The following SLC10A2 variants were observed in gnomAD, a reference collection of about 807,000 sequenced individuals.
SLC10A2 encodes solute carrier family 10 member 2.
A neutral mutation model predicts 27.1 loss-of-function variants in SLC10A2; 34 were observed. The observed-to-expected ratio is 1.26, with a 90% CI of 0.96 to 1.67. The LOEUF (loss-of-function observed/expected upper bound fraction) is 1.67. SLC10A2 is among the 40% of genes most tolerant of loss of function. The probability of loss-of-function intolerance (pLI) is 0.00; values close to 1 mark genes in which losing one functional copy is unlikely to be tolerated. For synonymous variants in SLC10A2, 205 were observed against 174.0 expected, an observed-to-expected ratio of 1.18 and a Z score of -1.40; for missense variants, 530 against 444.4, an observed-to-expected ratio of 1.19 and a Z score of -1.73.
Position 103,065,938 on chromosome 13 carries a change from T to C in SLC10A2, c.312A>G (p.Gly104=). The C allele has an allele frequency of 6.2e-7, 1 of 1,614,056 alleles. No individual in the cohort carries two copies. The highest frequency in any genetic ancestry group is 2.2e-5 in the East Asian group (1 of 44,882). ...PLQAVVVLII[G]CCPGGTASNI... ...TGGAGGCAGTTCCTCCAGGGCAGCA[T>C]CCTATAATGAGCACCACTACGGCCT... is the stretch of plus-strand genomic sequence containing the variant. The change falls in exon 1 of 6, where the codon GGA becomes GGG. Residue 104 remains glycine, a synonymous_variant. Coordinates refer to ENST00000245312, the MANE Select transcript of SLC10A2 (RefSeq NM_000452.3).
rs1876251755 is a variant in SLC10A2 at position 103,065,753 on chromosome 13, T to G, written c.377+120A>C. 6.2e-6 allele frequency: 7 copies of G among 1,133,644 alleles called. No individual in the cohort carries two copies. The South Asian group carries it at 8.7e-5, about 14-fold the overall frequency. The allele number at this position is 1,133,644 out of a possible 1,614,324, so 70.2% of individuals were successfully genotyped here. ...ACGGGAATGCATTTATTCTCTCCTG[T>G]TTGATTCCTTAGTCATACTTTAGAT... On this transcript the variant is annotated intron_variant, in intron 1 of 5. Coordinates refer to ENST00000245312, the MANE Select transcript of SLC10A2 (RefSeq NM_000452.3).
chr13:103,057,730 T>C (rs902468521), intron 2 of SLC10A2, among the ~76,000 whole-genome samples: 10 of 151,884 alleles, frequency 6.6e-5, no homozygotes, highest in Admixed American at 3.9e-4. Context: ...AATACAAAAA[T>C]TAGCCAGGCG....
At chr13:103,057,452 A>G (rs1463985180) in intron 2 of SLC10A2, among the ~76,000 whole-genome samples, 1 of 152,368 alleles carries the variant, frequency 6.6e-6, no homozygotes, top group South Asian at 2.1e-4. Context: ...TGACTTTGCC[A>G]TTAAATCAAC....
intron 2 of SLC10A2, among the ~76,000 whole-genome samples, chr13:103,053,468 C>T (rs185566869): frequency 4.6e-5 from 7 of 152,254 alleles, no homozygotes; most frequent in African/African-American, 7.2e-5. Flanking sequence ...GCTGTTTTTG[C>T]GACATGTGGT....
chr13:103,046,895 A>G (rs772663117), intron 5 of SLC10A2, among the ~76,000 whole-genome samples: 1 of 152,222 alleles, frequency 6.6e-6, no homozygotes, highest in Non-Finnish European at 1.5e-5. Flanking sequence ...ATGTCTGCAC[A>G]TGTGTGAGGC....
In SLC10A2 at chr13:103,058,266, A is replaced by C; in HGVS notation, c.494T>G (p.Ile165Arg). 1.3e-6 allele frequency: 2 copies of C among 1,542,242 alleles called. No homozygotes were observed. The highest frequency in any genetic ancestry group is 1.8e-6 in the Non-Finnish European group (2 of 1,114,550). Residue 165 changes from isoleucine (I) to arginine (R), a missense_variant and splice_region_variant, in exon 2 of 6, where the codon ATA (isoleucine) becomes AGA (arginine). Ile to Arg is a moderately conservative substitution (Grantham distance 97). Transcript: ENST00000245312. ...SGSIVIPYDN[I>R]GTSLVSLVVP... is the part of the protein sequence containing the mutation. The stretch of plus-strand genomic sequence containing the variant: ...AGTCTTACAGATGGATGACTTACCT[A>C]TGTTATCATAGGGAATTACGATGCT...
chr13:103,060,235 C>A (rs1241542471), intron 1 of SLC10A2, among the ~76,000 whole-genome samples: 1 of 152,076 alleles, frequency 6.6e-6, no homozygotes, highest in Non-Finnish European at 1.5e-5. Context: ...GCAGGCGGTG[C>A]CACTTAGTGT....
chr13:103,048,380 G>C (rs1875673166), intron 5 of SLC10A2, among the ~76,000 whole-genome samples: 1 of 149,344 alleles, frequency 6.7e-6, no homozygotes, highest in Non-Finnish European at 1.5e-5. Flanking sequence ...GACAGAGTGA[G>C]GGGCTGTCTC....
intron 2 of SLC10A2, among the ~76,000 whole-genome samples, chr13:103,054,124 C>T (rs1422182379): frequency 6.6e-6 from 1 of 150,566 alleles, no homozygotes; most frequent in Non-Finnish European, 1.5e-5. Flanking sequence ...TTGTGGGGGG[C>T]AGACTTCCCC....
At chr13:103,054,063 C>A (rs1395021235) in intron 2 of SLC10A2, among the ~76,000 whole-genome samples, 1 of 151,974 alleles carries the variant, frequency 6.6e-6, no homozygotes, top group Admixed American at 6.6e-5. Context: ...TGGAGGATTA[C>A]AACTAAAGGA....
At position 103,066,407 on chromosome 13, in the gene SLC10A2, CT is replaced by C; in HGVS notation, c.-159del. ...ACTTGGTGTCTCTTTTGAAAGCCAC[CT>C]TAGGGAAGTAATAAAAAACAATAAA... On this transcript the variant is annotated 5_prime_UTR_variant, in exon 1 of 6. Coordinates refer to ENST00000245312, the MANE Select transcript of SLC10A2 (RefSeq NM_000452.3). The C allele has an allele frequency of 1.5e-6, 1 of 656,238 alleles. No individual in the cohort carries two copies. Among genetic ancestry groups the C allele is most frequent in the Non-Finnish European group, 2.4e-6 (1 of 413,010 alleles). 40.7% of individuals were successfully genotyped at this position (656,238 alleles called of 1,614,324 possible).
Position 103,051,326 on chromosome 13 carries a change from G to C in SLC10A2, c.692C>G (p.Thr231Arg). The change falls in exon 4 of 6, where the codon ACA becomes AGA. Residue 231 changes from threonine to arginine, a missense_variant. Physicochemically the swap from Thr to Arg is moderately conservative, Grantham distance 71. Coordinates refer to ENST00000245312, the MANE Select transcript of SLC10A2 (RefSeq NM_000452.3). The stretch of plus-strand genomic sequence containing the variant: ...GGAGTAACCCGCCACAGGAAATATT[G>C]TTCCTATAATCCACAGTTTGGGAGC... Reference protein sequence around the residue: ...IIAPKLWIIGTIFPVAGYSLG... With the variant: ...IIAPKLWIIGRIFPVAGYSLG... 1 of 1,614,016 alleles carries C rather than the reference G, an allele frequency of 6.2e-7. No homozygotes were observed. Among genetic ancestry groups the C allele is most frequent in the East Asian group, 2.2e-5 (1 of 44,876 alleles).
At chr13:103,056,067 C>A (rs760979568) in intron 2 of SLC10A2, among the ~76,000 whole-genome samples, 2 of 152,218 alleles carry the variant, frequency 1.3e-5, no homozygotes, top group Non-Finnish European at 2.9e-5. Flanking sequence ...AGACAGGACA[C>A]AGTAGCAGGG....
chr13:103,044,578 T>C lies in SLC10A2; in HGVS notation c.*1555A>G, dbSNP rs1419205199. ...GAAATCTTGCATAAAAAGATCAATG[T>C]TATGAATTTGAAAAGCAGAATCCCT... is the stretch of plus-strand genomic sequence containing the variant. On this transcript the variant is annotated 3_prime_UTR_variant, in exon 6 of 6. Transcript: ENST00000245312. The C allele has an allele frequency of 6.6e-6, 1 of 152,200 alleles. No individual in the cohort carries two copies. The highest frequency in any genetic ancestry group is 1.5e-5 in the Non-Finnish European group (1 of 68,032). 9.4% of individuals were successfully genotyped at this position (152,200 alleles called of 1,614,324 possible). A position where few individuals can be genotyped will look rare whatever the true frequency, so the allele number is the denominator to read the frequency against.
intron 2 of SLC10A2, among the ~76,000 whole-genome samples, chr13:103,057,783 G>A (rs1875982707): frequency 6.6e-6 from 1 of 151,950 alleles, no homozygotes; most frequent in Non-Finnish European, 1.5e-5. Context: ...GGAGGCTGAG[G>A]CAGGAGAATT....
At chr13:103,058,443 T>A in intron 1 of SLC10A2, 61 bp from the exon 2 acceptor site, 2 of 989,524 alleles carry the variant, frequency 2.0e-6, no homozygotes, top group Non-Finnish European at 1.6e-6. Flanking sequence ...GATGCTGTTT[T>A]ATTTTTATTT....
rs1420589855 is a variant in SLC10A2 at position 103,045,266 on chromosome 13, G to T, written c.*867C>A. 6.6e-6 allele frequency: 1 copy of T among 152,184 alleles called. No homozygotes were observed. 9.4% of individuals were successfully genotyped at this position (152,184 alleles called of 1,614,324 possible). ...CTGACCATGGTGCTTACTGTGGGTGGTCCCTGTCAACTGACTAGCTGTCAT... is the reference window on the plus strand; with the variant it reads ...CTGACCATGGTGCTTACTGTGGGTGTTCCCTGTCAACTGACTAGCTGTCAT... On this transcript the variant is annotated 3_prime_UTR_variant, in exon 6 of 6. Transcript: ENST00000245312.
chr13:103,054,905 A>G (rs1008388094), intron 2 of SLC10A2, among the ~76,000 whole-genome samples: 4 of 152,066 alleles, frequency 2.6e-5, no homozygotes, highest in African/African-American at 9.7e-5. Flanking sequence ...TCTCTCTGTA[A>G]AGTGCCTGTC....
chr13:103,050,099 T>C (rs1344251166), intron 4 of SLC10A2, among the ~76,000 whole-genome samples: 4 of 152,124 alleles, frequency 2.6e-5, no homozygotes, highest in Non-Finnish European at 5.9e-5. Flanking sequence ...CAGTGAGCTA[T>C]GATTGTGCCA....
Sources: allele counts gnomAD v4.1 joint callset (sites outside exome capture counted in the v4.1 genomes callset), GRCh38; gene constraint gnomAD v4.1.1; transcripts MANE v1.5; gene names NCBI Gene and HGNC (gene_info 2026-07-23, HGNC 2026-07-21).